KCTD8: variants seen among roughly 807,000 people sequenced by gnomAD.
KCTD8 encodes BTB/POZ domain-containing protein KCTD8.
A neutral mutation model predicts 31.5 loss-of-function variants in KCTD8; 27 were observed. That is an observed-to-expected ratio of 0.86 (90% CI 0.63 to 1.18). KCTD8 has a LOEUF of 1.18. Ranked by LOEUF, KCTD8 falls within the 50% of genes most tolerant of loss-of-function variation. The pLI, the probability that KCTD8 is intolerant of heterozygous loss-of-function variation, is 0.00. For synonymous variants in KCTD8, 290 were observed against 280.0 expected (o/e 1.04, Z -0.36); for missense variants, 658 against 647.7 (o/e 1.02, Z -0.17).
At chr4:44,216,422 C>T (rs1305658619) in intron 1 of KCTD8, among the ~76,000 whole-genome samples, 2 of 152,092 alleles carry the variant, frequency 1.3e-5, no homozygotes, top group African/African-American at 4.8e-5. Flanking sequence ...GTACAATATA[C>T]TGACACAATA....
At chr4:44,263,571 G>A (rs542919612) in intron 1 of KCTD8, among the ~76,000 whole-genome samples, 68 of 152,236 alleles carry the variant, frequency 4.5e-4, no homozygotes, top group Admixed American at 8.5e-4. Context: ...GTTAAGAGTA[G>A]AAGGGAAATA....
At chr4:44,316,258 C>T (rs565652076) in intron 1 of KCTD8, among the ~76,000 whole-genome samples, 1 of 152,004 alleles carries the variant, frequency 6.6e-6, no homozygotes, top group Admixed American at 6.5e-5. Context: ...TTTATTTCCA[C>T]ACTCATTTAT....
At chr4:44,346,030 T>C (rs1031567815) in intron 1 of KCTD8, among the ~76,000 whole-genome samples, 3 of 152,298 alleles carry the variant, frequency 2.0e-5, no homozygotes, top group South Asian at 2.1e-4. Flanking sequence ...ATAATTTATA[T>C]GGTTATGCTG....
chr4:44,355,978 A>G (rs939711542), intron 1 of KCTD8, among the ~76,000 whole-genome samples: 4 of 152,198 alleles, frequency 2.6e-5, no homozygotes, highest in Non-Finnish European at 5.9e-5. Context: ...AATAATCACT[A>G]GCAAAATGAC....
chr4:44,370,677 C>CA (rs1348026091), intron 1 of KCTD8, among the ~76,000 whole-genome samples: 8 of 152,050 alleles, frequency 5.3e-5, no homozygotes, highest in African/African-American at 1.9e-4. Context: ...TTTTTATAAG[C>CA]AAAAACTTCC....
chr4:44,296,249 C>T (rs989123189), intron 1 of KCTD8, among the ~76,000 whole-genome samples: 1 of 151,752 alleles, frequency 6.6e-6, no homozygotes, highest in African/African-American at 2.4e-5. Context: ...TCCTTAGTAA[C>T]CCCTATTTCT....
chr4:44,236,610 C>T (rs796632102), intron 1 of KCTD8, among the ~76,000 whole-genome samples: 16 of 152,154 alleles, frequency 1.1e-4, no homozygotes, highest in African/African-American at 3.9e-4. Flanking sequence ...CTCTTCTCCA[C>T]TTGAGATAAT....
intron 1 of KCTD8, among the ~76,000 whole-genome samples, chr4:44,190,020 T>C (rs1397691439): frequency 2.0e-5 from 3 of 152,186 alleles, no homozygotes; most frequent in Non-Finnish European, 4.4e-5. Context: ...TCACCTTCAG[T>C]CTTCACTCTC....
At position 44,324,044 on chromosome 4, in the gene KCTD8, T is replaced by TA. The variant is rs34203587; in HGVS notation, c.961+123518dup. The stretch of plus-strand genomic sequence containing the variant: ...TGTACCCTAAAACTTAAAGTATAAT[T>TA]AAAAAAAAAAAAACAAAACAAAACA... On this transcript the variant is annotated intron_variant, in intron 1 of 1. Coordinates refer to ENST00000360029, the MANE Select transcript of KCTD8 (RefSeq NM_198353.3). Among the ~76,000 whole-genome samples the TA allele has an allele frequency of 5.7e-3, 670 of 117,154 alleles. 7 individuals carry two copies. The highest frequency in any genetic ancestry group is 0.025 in the East Asian group (115 of 4,524). 76.9% of individuals were successfully genotyped at this position (117,154 alleles called of 152,430 possible).
chr4:44,382,397 C>A (rs1176612836), intron 1 of KCTD8, among the ~76,000 whole-genome samples: 3 of 151,970 alleles, frequency 2.0e-5, no homozygotes, highest in African/African-American at 7.2e-5. Context: ...TAACATCATA[C>A]CGAATGGGGA....
chr4:44,287,761 A>T (rs1717143398), intron 1 of KCTD8, among the ~76,000 whole-genome samples: 1 of 152,176 alleles, frequency 6.6e-6, no homozygotes, highest in Non-Finnish European at 1.5e-5. Context: ...TTTCTTGCTG[A>T]TCTAGCAGGG....
chr4:44,391,122 A>C lies in KCTD8; in HGVS notation c.961+56441T>G, dbSNP rs188857901. Among the ~76,000 whole-genome samples, 909 of 152,052 alleles carry C rather than the reference A, an allele frequency of 6.0e-3. 14 individuals carry two copies. The highest frequency in any genetic ancestry group is 6.7e-3 in the Non-Finnish European group (456 of 67,942). On this transcript the variant is annotated intron_variant, in intron 1 of 1. Transcript: ENST00000360029. ...TGTCCTCACTCATAAGTGGGAGCTA[A>C]GCTATGAAGATGTAAGGCATAAGAA...
At chr4:44,263,763 A>G (rs1219499050) in intron 1 of KCTD8, among the ~76,000 whole-genome samples, 1 of 152,200 alleles carries the variant, frequency 6.6e-6, no homozygotes, top group Non-Finnish European at 1.5e-5. Flanking sequence ...CCACTGAGAT[A>G]GGAAGTAGAA....
chr4:44,329,066 G>A (rs1162280907), intron 1 of KCTD8, among the ~76,000 whole-genome samples: 3 of 151,822 alleles, frequency 2.0e-5, no homozygotes, highest in African/African-American at 7.3e-5. Context: ...ATAAGAAGAG[G>A]AGTGTTCTTT....
intron 1 of KCTD8, among the ~76,000 whole-genome samples, chr4:44,269,806 G>T (rs1427040306): frequency 1.3e-5 from 2 of 152,024 alleles, no homozygotes; most frequent in Non-Finnish European, 2.9e-5. Flanking sequence ...ACCATCACTG[G>T]CCATCAGAGA....
rs1721980373 is a variant in KCTD8 at position 44,447,756 on chromosome 4, G to C, written c.768C>G (p.Arg256=). Residue 256 remains arginine, a synonymous_variant, in exon 1 of 2, where the codon CGC becomes CGG. Transcript: ENST00000360029. ...EVFGDTLNES[R]DPDRQPEKYT... is the part of the protein sequence containing the mutation. ...ACTTCTCCGGCTGCCGGTCGGGGTC[G>C]CGGCTCTCGTTGAGCGTGTCCCCGA... 2 of 1,611,886 alleles carry C rather than the reference G, an allele frequency of 1.2e-6. No homozygotes were observed. Among genetic ancestry groups the C allele is most frequent in the African/African-American group, 2.7e-5 (2 of 74,914 alleles).
intron 1 of KCTD8, among the ~76,000 whole-genome samples, chr4:44,290,775 C>G (rs895165360): frequency 1.3e-5 from 2 of 151,870 alleles, no homozygotes; most frequent in Non-Finnish European, 2.9e-5. Flanking sequence ...AAATTAGAGA[C>G]ACATCTTACC....
chr4:44,428,285 C>T (rs992444054), intron 1 of KCTD8, among the ~76,000 whole-genome samples: 2 of 151,488 alleles, frequency 1.3e-5, no homozygotes, highest in Non-Finnish European at 3.0e-5. Flanking sequence ...TACCTCAAGA[C>T]TTATTTTACT....
At chr4:44,316,631 T>A (rs1718116083) in intron 1 of KCTD8, among the ~76,000 whole-genome samples, 1 of 151,540 alleles carries the variant, frequency 6.6e-6, no homozygotes, top group Admixed American at 6.6e-5. Flanking sequence ...CAGCAGGTAA[T>A]CTTCTTATAG....
Sources: allele counts gnomAD v4.1 joint callset (sites outside exome capture counted in the v4.1 genomes callset), GRCh38; gene constraint gnomAD v4.1.1; transcripts MANE v1.5; gene names NCBI Gene and HGNC (gene_info 2026-07-23, HGNC 2026-07-21).